TBXAS1: variants seen among roughly 807,000 people sequenced by gnomAD.
TBXAS1 encodes thromboxane-A synthase.
Under a neutral mutation model 60.7 loss-of-function variants are expected in TBXAS1, and 48 were observed. That is an observed-to-expected ratio of 0.79 (90% confidence interval 0.63 to 1.01). The LOEUF is 1.01. Among genes scored for constraint, TBXAS1 ranks in the 50% least tolerant of loss-of-function variants. The pLI, the probability that TBXAS1 is intolerant of heterozygous loss-of-function variation, is 0.00. For missense variants in TBXAS1, 685 were observed against 686.3 expected, an observed-to-expected ratio of 1.00 and a Z score of 0.02; for synonymous variants, 287 against 269.7, an observed-to-expected ratio of 1.06 and a Z score of -0.63.
rs1569518342 is a variant in TBXAS1, at chr7:139,951,888, AAG to A, written c.451-1479_451-1478del. ...GAAGGAAGGAAGGAAGGAAAGAAGG[AAG>A]GAAGGAAGGAAAGAAAGAGAAAGAA... On this transcript the variant is annotated intron_variant, in intron 5 of 12. Transcript: ENST00000448866. Among the ~76,000 whole-genome samples the A allele has an allele frequency of 6.5e-3, 210 of 32,076 alleles. 27 individuals carry two copies. The highest frequency in any genetic ancestry group is 0.019 in the Middle Eastern group (1 of 52). 21.0% of individuals were successfully genotyped at this position (32,076 alleles called of 152,430 possible).
At chr7:139,780,221 C>T (rs867942443) in intron 1 of TBXAS1, among the ~76,000 whole-genome samples, 1 of 152,146 alleles carries the variant, frequency 6.6e-6, no homozygotes, top group South Asian at 2.1e-4. Flanking sequence ...TAATACATAC[C>T]CTACATGCAT....
intron 3 of TBXAS1, among the ~76,000 whole-genome samples, chr7:139,786,115 T>C (rs773592097): frequency 8.0e-5 from 12 of 150,518 alleles, no homozygotes; most frequent in Non-Finnish European, 1.8e-4. Context: ...ATGGGAGCAA[T>C]GAAAGAGGGA....
chr7:139,781,793 T>C (rs994382932), intron 2 of TBXAS1, among the ~76,000 whole-genome samples: 2 of 127,968 alleles, frequency 1.6e-5, no homozygotes, highest in East Asian at 5.2e-4. Flanking sequence ...CGAGTTCTAG[T>C]GCCATTGCAC....
intron 4 of TBXAS1, chr7:139,789,298 G>T (rs1797303409): frequency 6.6e-6 from 1 of 150,782 alleles, no homozygotes; most frequent in Non-Finnish European, 1.5e-5. Flanking sequence ...GAGTGCACTT[G>T]CAGTAGCATA....
At chr7:139,937,782 A>G (rs1041835357) in intron 5 of TBXAS1, among the ~76,000 whole-genome samples, 3 of 152,060 alleles carry the variant, frequency 2.0e-5, no homozygotes, top group East Asian at 3.9e-4. Flanking sequence ...CCAGCTCCGG[A>G]GCGCTCTTCA....
chr7:139,961,828 G>A, intron 8 of TBXAS1, 91 bp from the exon 9 acceptor site: 1 of 1,492,554 alleles, frequency 6.7e-7, no homozygotes, highest in Non-Finnish European at 9.2e-7. Context: ...CAAAAGCTAT[G>A]CCCATGTATC....
chr7:139,904,161 A>C (rs751877179), intron 3 of TBXAS1, among the ~76,000 whole-genome samples: 2 of 152,006 alleles, frequency 1.3e-5, no homozygotes, highest in Non-Finnish European at 2.9e-5. Context: ...ATTCTCCTAC[A>C]TGTGGCTAGC....
intron 1 of TBXAS1, among the ~76,000 whole-genome samples, chr7:139,854,571 T>C (rs541178159): frequency 2.0e-5 from 3 of 152,228 alleles, no homozygotes; most frequent in East Asian, 3.9e-4. Flanking sequence ...GAAAACTCTA[T>C]GCCCAAGGGA....
intron 3 of TBXAS1, among the ~76,000 whole-genome samples, chr7:139,904,997 C>CTTTCTTTCTT (rs1292195756): frequency 1.1e-4 from 10 of 93,176 alleles, no homozygotes; most frequent in Admixed American, 4.6e-4. Context: ...CTCTCTTTCT[C>CTTTCTTTCTT]TCTTTCTCTC....
intron 9 of TBXAS1, among the ~76,000 whole-genome samples, chr7:139,996,937 A>G (rs956430168): frequency 1.3e-5 from 2 of 152,102 alleles, no homozygotes; most frequent in Non-Finnish European, 2.9e-5. Flanking sequence ...TGCCTGGACT[A>G]TTGCAAGAAC....
At chr7:139,856,605 G>C (rs1800599913) in intron 1 of TBXAS1, among the ~76,000 whole-genome samples, 1 of 152,214 alleles carries the variant, frequency 6.6e-6, no homozygotes, top group South Asian at 2.1e-4. Context: ...GCTATGGGAG[G>C]AGTCATGAAT....
chr7:139,828,672 G>A (rs2116469983), upstream of TBXAS1, among the ~76,000 whole-genome samples: 1 of 152,138 alleles, frequency 6.6e-6, no homozygotes, highest in African/African-American at 2.4e-5. Context: ...CTCAAAGCTA[G>A]AACAAAGGAC....
rs868609942 is a variant in TBXAS1 at position 139,941,596 on chromosome 7, C to T, written c.450+5289C>T. On this transcript the variant is annotated intron_variant, in intron 5 of 12. Transcript: ENST00000448866. ...TTATAGAAAAGGATGGCTGAGCATTCCTGGAAAAACAACTGACTTTTTGTT... is the reference window on the plus strand; with the variant it reads ...TTATAGAAAAGGATGGCTGAGCATTTCTGGAAAAACAACTGACTTTTTGTT... Among the ~76,000 whole-genome samples, 15 of 152,218 alleles carry T rather than the reference C, an allele frequency of 9.9e-5. No homozygotes were observed. In the South Asian group the frequency reaches 1.0e-3, roughly 11 times the overall value.
intron 9 of TBXAS1, among the ~76,000 whole-genome samples, chr7:139,977,813 A>G (rs1292203458): frequency 2.6e-5 from 4 of 152,246 alleles, no homozygotes; most frequent in Non-Finnish European, 4.4e-5. Context: ...GTAACAGTAA[A>G]CATTTATGGA....
At chr7:139,954,490 A>G (rs1809679424) in intron 6 of TBXAS1, among the ~76,000 whole-genome samples, 1 of 152,250 alleles carries the variant, frequency 6.6e-6, no homozygotes, top group Non-Finnish European at 1.5e-5. Flanking sequence ...TTTCAATAAA[A>G]GCAGTGTGAA....
chr7:139,828,843 C>T (rs1371577631), upstream of TBXAS1, among the ~76,000 whole-genome samples: 1 of 152,182 alleles, frequency 6.6e-6, no homozygotes, highest in East Asian at 1.9e-4. Context: ...GATGGTTGTC[C>T]TCAAAGCAGC....
At chr7:139,951,593 TAAAAAAAAAAAAAAA>T (rs66551791) in intron 5 of TBXAS1, among the ~76,000 whole-genome samples, 9 of 66,312 alleles carry the variant, frequency 1.4e-4, no homozygotes, top group South Asian at 9.3e-4. Context: ...CCGTCTCTAC[TAAAAAAAAAAAAAAA>T]AAAAAAAAAA....
At chr7:139,934,728 G>C (rs1393037687) in intron 4 of TBXAS1, among the ~76,000 whole-genome samples, 1 of 152,132 alleles carries the variant, frequency 6.6e-6, no homozygotes, top group Non-Finnish European at 1.5e-5. Context: ...TCTTCCCTTT[G>C]TGTGTGTCTG....
chr7:139,859,472 C>G (rs1027824510), intron 1 of TBXAS1, among the ~76,000 whole-genome samples: 2 of 152,032 alleles, frequency 1.3e-5, no homozygotes, highest in Non-Finnish European at 2.9e-5. Context: ...TCCTAAAGTG[C>G]TGGGATTACA....
Sources: gnomAD v4.1 joint callset for allele counts (sites outside exome capture counted in the v4.1 genomes callset) on GRCh38, gnomAD v4.1.1 for gene constraint, MANE v1.5 for transcripts, NCBI Gene and HGNC (gene_info 2026-07-23, HGNC 2026-07-21) for gene names.